Variants in CDH12 observed in about 807,000 individuals in gnomAD.
The protein encoded by CDH12 is cadherin 12, also known as cadherin-12.
Under a neutral mutation model 74.1 loss-of-function variants are expected in CDH12, and 41 were observed. That is an observed-to-expected ratio of 0.55 (90% CI 0.43 to 0.72). CDH12 has a LOEUF of 0.72. CDH12 is among the 30% of genes least tolerant of loss of function. The pLI is 0.00. For missense variants in CDH12, 945 were observed against 977.2 expected, an observed-to-expected ratio of 0.97 and a Z score of 0.44; for synonymous variants, 399 against 355.0, an observed-to-expected ratio of 1.12 and a Z score of -1.39.
chr5:22,532,008 T>C (rs141951482), intron 1 of CDH12, among the ~76,000 whole-genome samples: 1 of 152,034 alleles, frequency 6.6e-6, no homozygotes, highest in African/African-American at 2.4e-5. Context: ...GAGGAATCTC[T>C]CAAATCCTGT....
chr5:22,137,904 A>T lies in CDH12; in HGVS notation c.-186-59042T>A, dbSNP rs1220294617. Among the ~76,000 whole-genome samples, 7 of 152,270 alleles carry T rather than the reference A, an allele frequency of 4.6e-5. No individual in the cohort carries two copies. In the East Asian group the frequency reaches 1.2e-3, roughly 25 times the overall value. On this transcript the variant is annotated intron_variant, in intron 4 of 14. Coordinates refer to ENST00000382254, the MANE Select transcript of CDH12 (RefSeq NM_004061.5). ...TATTTCTCTGTGTACACTACTGCTC[A>T]TTTCAGAAAATGACAGTTTTGAAAG...
chr5:22,109,760 T>C (rs1336408566), intron 4 of CDH12, among the ~76,000 whole-genome samples: 1 of 152,196 alleles, frequency 6.6e-6, no homozygotes, highest in East Asian at 1.9e-4. Flanking sequence ...AAAGGTATTG[T>C]AGAGGAGGCA....
chr5:22,455,571 G>A (rs1043234040), intron 2 of CDH12, among the ~76,000 whole-genome samples: 5 of 152,074 alleles, frequency 3.3e-5, no homozygotes, highest in Non-Finnish European at 4.4e-5. Context: ...TAAACCATAC[G>A]CATGAAAATG....
At chr5:22,155,845 G>A (rs867919961) in intron 4 of CDH12, among the ~76,000 whole-genome samples, 2 of 152,044 alleles carry the variant, frequency 1.3e-5, no homozygotes, top group African/African-American at 4.8e-5. Context: ...AGAATTCTAT[G>A]CCTTCTAGAA....
At chr5:22,483,240 A>C (rs1746450835) in intron 2 of CDH12, among the ~76,000 whole-genome samples, 1 of 152,204 alleles carries the variant, frequency 6.6e-6, no homozygotes, top group Non-Finnish European at 1.5e-5. Context: ...AGGTTGAACA[A>C]AAAATTTTAA....
intron 1 of CDH12, among the ~76,000 whole-genome samples, chr5:22,836,157 G>A (rs1369771590): frequency 6.9e-6 from 1 of 144,210 alleles, no homozygotes; most frequent in African/African-American, 2.5e-5. Flanking sequence ...ACTCTAAAAA[G>A]AAATAATTAT....
At chr5:22,746,154 C>T (rs573358006) in intron 1 of CDH12, among the ~76,000 whole-genome samples, 1 of 152,132 alleles carries the variant, frequency 6.6e-6, no homozygotes, top group East Asian at 1.9e-4. Flanking sequence ...AGCAAGAAGA[C>T]AATTGGTATA....
chr5:21,922,917 AAAAG>A (rs535103038), intron 6 of CDH12, among the ~76,000 whole-genome samples: 1,485 of 146,474 alleles, frequency 0.01, 16 homozygotes, highest in Non-Finnish European at 0.015. Context: ...TACAAGAATA[AAAAG>A]AAAGATGTGT....
At chr5:22,328,445 C>T (rs757146456) in intron 3 of CDH12, among the ~76,000 whole-genome samples, 15 of 152,160 alleles carry the variant, frequency 9.9e-5, no homozygotes, top group Non-Finnish European at 1.9e-4. Flanking sequence ...TCCAGAGAGC[C>T]ATACATCTAG....
chr5:21,812,270 G>A (rs1224260325), intron 9 of CDH12, among the ~76,000 whole-genome samples: 1 of 152,018 alleles, frequency 6.6e-6, no homozygotes, highest in African/African-American at 2.4e-5. Context: ...TTCAAATGTA[G>A]AATATATATT....
At chr5:21,815,316 AGT>A (rs1747981011) in intron 9 of CDH12, among the ~76,000 whole-genome samples, 1 of 152,090 alleles carries the variant, frequency 6.6e-6, no homozygotes, top group South Asian at 2.1e-4. Context: ...TTCAAAATGG[AGT>A]GTGTTTTGTA....
At chr5:22,714,643 G>A (rs181819006) in intron 1 of CDH12, among the ~76,000 whole-genome samples, 24 of 152,220 alleles carry the variant, frequency 1.6e-4, no homozygotes, top group Non-Finnish European at 2.5e-4. Flanking sequence ...ATATGACCCT[G>A]CCCTAATAAA....
At chr5:22,160,180 G>A (rs1315638130) in intron 4 of CDH12, among the ~76,000 whole-genome samples, 5 of 152,172 alleles carry the variant, frequency 3.3e-5, no homozygotes, top group Non-Finnish European at 7.4e-5. Context: ...AGTTGAGATT[G>A]AAAATAGATT....
At chr5:22,172,593 AG>A (rs1471242754) in intron 4 of CDH12, 1 of 151,802 alleles carries the variant, frequency 6.6e-6, no homozygotes, top group Non-Finnish European at 1.5e-5. Flanking sequence ...AGGAACTGGG[AG>A]GTCTCTTTCC....
At chr5:22,333,126 C>T (rs535601412) in intron 3 of CDH12, among the ~76,000 whole-genome samples, 1 of 152,260 alleles carries the variant, frequency 6.6e-6, no homozygotes, top group South Asian at 2.1e-4. Context: ...CCATGGAATA[C>T]TATGCAGCCA....
chr5:21,885,233 C>A (rs372838674), intron 6 of CDH12, among the ~76,000 whole-genome samples: 6 of 152,318 alleles, frequency 3.9e-5, no homozygotes, highest in Non-Finnish European at 1.5e-5. Flanking sequence ...AAATTTAATT[C>A]TCACAACAGT....
At chr5:21,844,007 A>C (rs1417800403) in intron 7 of CDH12, among the ~76,000 whole-genome samples, 5 of 152,126 alleles carry the variant, frequency 3.3e-5, no homozygotes, top group African/African-American at 9.7e-5. Context: ...TTCCAACATG[A>C]AAATTATTTC....
intron 3 of CDH12, among the ~76,000 whole-genome samples, chr5:22,241,934 A>G (rs1752764651): frequency 6.6e-6 from 1 of 152,124 alleles, no homozygotes. Context: ...CATAATATTT[A>G]AATCATATAT....
At chr5:22,030,803 A>G (rs1003775442) in intron 5 of CDH12, among the ~76,000 whole-genome samples, 1 of 152,148 alleles carries the variant, frequency 6.6e-6, no homozygotes. Context: ...CTGTTGTTTA[A>G]TGTAGCTACA....
Sources: allele counts gnomAD v4.1 joint callset (sites outside exome capture counted in the v4.1 genomes callset), GRCh38; gene constraint gnomAD v4.1.1; transcripts MANE v1.5; gene names NCBI Gene and HGNC (gene_info 2026-07-23, HGNC 2026-07-21).